ARHGEF5: variants seen among roughly 807,000 people sequenced by gnomAD.
ARHGEF5 encodes the protein Rho guanine nucleotide exchange factor 5.
A neutral mutation model predicts 104.0 loss-of-function variants in ARHGEF5; 11 were observed. The ratio of observed to expected loss-of-function variants is 0.11; its 90% CI spans 0.07 to 0.18. The LOEUF (loss-of-function observed/expected upper bound fraction) is 0.18, where lower values mean the gene tolerates loss of function less well. Ranked by LOEUF, ARHGEF5 falls within the 10% of genes least tolerant of loss-of-function variation. The pLI is 1.00. For synonymous variants in ARHGEF5, 60 were observed against 512.2 expected (o/e 0.12, Z 11.92); for missense variants, 165 against 1,335.4 (o/e 0.12, Z 13.66).
chr7:144,380,193 C>T lies in ARHGEF5; in HGVS notation c.*137C>T. 1 of 1,164,924 alleles carries T rather than the reference C, an allele frequency of 8.6e-7. No homozygotes were observed. 72.2% of individuals were successfully genotyped at this position (1,164,924 alleles called of 1,614,324 possible). On this transcript the variant is annotated 3_prime_UTR_variant, in exon 15 of 15. Transcript: ENST00000056217. ...AAGCTCAAGGACAAAATCCAGCTAACCCAGTCCCTCGGCCCAGGCCTCCTT... is the reference window on the plus strand; with the variant it reads ...AAGCTCAAGGACAAAATCCAGCTAATCCAGTCCCTCGGCCCAGGCCTCCTT...
chr7:144,377,084 C>T (rs767210479), intron 12 of ARHGEF5, 36 bp from the exon 13 acceptor site: 1 of 1,324,914 alleles, frequency 7.5e-7, no homozygotes, highest in Non-Finnish European at 1.0e-6. Context: ...CCTACACCCC[C>T]ACAATTGATG....
At chr7:144,375,807 A>G (rs2053758535) in intron 12 of ARHGEF5, 132 bp downstream of exon 12, 1 of 1,276,628 alleles carries the variant, frequency 7.8e-7, no homozygotes, top group African/African-American at 1.5e-5. Context: ...ACTGGGGACC[A>G]CCATAGAGAA....
chr7:144,374,133 C>T (rs1400973863), intron 10 of ARHGEF5, among the ~76,000 whole-genome samples: 1 of 80,156 alleles, frequency 1.2e-5, no homozygotes, highest in East Asian at 3.0e-4. Flanking sequence ...TGAGCCACCA[C>T]GCTCGTGCTT....
At chr7:144,378,001 T>G (rs2053773707) in intron 13 of ARHGEF5, among the ~76,000 whole-genome samples, 1 of 152,156 alleles carries the variant, frequency 6.6e-6, no homozygotes, top group African/African-American at 2.4e-5. Context: ...AGTATTCCAT[T>G]TATTTTACAA....
intron 9 of ARHGEF5, 150 bp from the exon 10 acceptor site, chr7:144,373,045 G>A: frequency 5.4e-6 from 4 of 737,058 alleles, no homozygotes; most frequent in South Asian, 3.4e-5. Context: ...AAGTTGCCTA[G>A]GACTTGTGCT....
intron 1 of ARHGEF5, among the ~76,000 whole-genome samples, chr7:144,361,064 C>T (rs1181670895): frequency 7.0e-6 from 1 of 143,652 alleles, no homozygotes; most frequent in African/African-American, 2.6e-5. Flanking sequence ...CCCGTCTCTA[C>T]TAAAAGTACA....
chr7:144,379,819 A>T, intron 14 of ARHGEF5, 80 bp from the exon 15 acceptor site: 1 of 1,566,094 alleles, frequency 6.4e-7, no homozygotes. Context: ...AGGATTCAGA[A>T]AACTCTCCAG....
intron 1 of ARHGEF5, among the ~76,000 whole-genome samples, chr7:144,359,962 C>T (rs1223557949): frequency 7.1e-6 from 1 of 140,244 alleles, no homozygotes; most frequent in African/African-American, 2.6e-5. Flanking sequence ...GCAGCATGCA[C>T]CAGTGGAGAG....
chr7:144,358,854 T>G (rs1460456169), intron 1 of ARHGEF5, among the ~76,000 whole-genome samples: 1 of 124,852 alleles, frequency 8.0e-6, no homozygotes, highest in Non-Finnish European at 1.7e-5. Context: ...AGTTTTCAGT[T>G]TAAGCCTGGA....
Position 144,363,943 on chromosome 7 carries a change from C to A in ARHGEF5, c.1274C>A (p.Ala425Asp), listed in dbSNP as rs2053670068. The A allele has an allele frequency of 2.9e-6, 4 of 1,401,330 alleles. No individual in the cohort carries two copies. The East Asian group carries it at 9.6e-5, about 34-fold the overall frequency. The allele number at this position is 1,401,330 out of a possible 1,614,324, so 86.8% of individuals were successfully genotyped here. The change falls in exon 2 of 15, where the codon GCC becomes GAC. Residue 425 changes from alanine to aspartate, a missense_variant. Physicochemically the swap from Ala to Asp is moderately radical, Grantham distance 126. Coordinates refer to ENST00000056217, the MANE Select transcript of ARHGEF5 (RefSeq NM_005435.4). The stretch of plus-strand genomic sequence containing the variant: ...CCTCACTGTGACCTGTTTCCAGGTG[C>A]CTCATATCTCATGACTCAGATTCCC... The part of the protein sequence containing the change: ...DSPHCDLFPG[A>D]SYLMTQIPGT...
At position 144,360,135 on chromosome 7, in the gene ARHGEF5, C is replaced by A. The variant is rs1458052546; in HGVS notation, c.-12-2523C>A. On this transcript the variant is annotated intron_variant, in intron 1 of 14. Transcript: ENST00000056217. Reference sequence around the variant, plus strand: ...ATTTAGAGACAGAGTCTCACTCTGTCACCTAGGCTGGAGAGCAGTGATGTG... The same window carrying A: ...ATTTAGAGACAGAGTCTCACTCTGTAACCTAGGCTGGAGAGCAGTGATGTG... Among the ~76,000 whole-genome samples, 11 of 117,980 alleles carry A rather than the reference C, an allele frequency of 9.3e-5. 4 individuals are homozygous for A. The highest frequency in any genetic ancestry group is 2.0e-4 in the Non-Finnish European group (11 of 55,314). The allele number at this position is 117,980 out of a possible 152,430, so 77.4% of individuals were successfully genotyped here.
Position 144,363,095 on chromosome 7 carries a change from C to G in ARHGEF5, c.426C>G (p.Asp142Glu). 1 of 1,526,356 alleles carries G rather than the reference C, an allele frequency of 6.6e-7. No homozygotes were observed. Among genetic ancestry groups the G allele is most frequent in the Non-Finnish European group, 9.0e-7 (1 of 1,113,492 alleles). The allele number at this position is 1,526,356 out of a possible 1,614,324, so 94.6% of individuals were successfully genotyped here. Residue 142 changes from aspartate (D) to glutamate (E), a missense_variant, in exon 2 of 15, where the codon GAC (aspartate) becomes GAG (glutamate). Asp to Glu is a conservative substitution (Grantham distance 45, BLOSUM62 2). Transcript: ENST00000056217. ...EHLDMAPFSS[D>E]LGSEEEEVEF... ...TAGACATGGCCCCATTTTCCAGTGA[C>G]CTGGGAAGCGAAGAAGAGGAGGTGG...
Position 144,378,859 on chromosome 7 carries a change from C to T in ARHGEF5, c.4629C>T (p.Ser1543=), listed in dbSNP as rs761936976. ...KADVVMVTQQ[S]SDGWLEGVRL... is the part of the protein sequence containing the mutation. The stretch of plus-strand genomic sequence containing the variant: ...ACGTGGTGATGGTGACTCAGCAGAG[C>T]AGTGACGGTAAGCGGGAGCATGCGT... Residue 1543 remains serine, a synonymous_variant, in exon 14 of 15, where the codon AGC becomes AGT. Coordinates refer to ENST00000056217, the MANE Select transcript of ARHGEF5 (RefSeq NM_005435.4). The T allele has an allele frequency of 1.4e-4, 227 of 1,613,784 alleles. No individual in the cohort carries two copies. Among genetic ancestry groups the T allele is most frequent in the Admixed American group, 1.3e-3 (75 of 60,000 alleles).
rs71222348 is a variant in ARHGEF5 at position 144,358,758 on chromosome 7, AGTGTGTGTGTGT to A, written c.-13+3290_-13+3301del. On this transcript the variant is annotated intron_variant, in intron 1 of 14. Coordinates refer to ENST00000056217, the MANE Select transcript of ARHGEF5 (RefSeq NM_005435.4). ...TTGCAAGAGTTTGTAAGGATGGCTC[AGTGTGTGTGTGT>A]GTGTGTGTGTGTGTGTGTGTGTGTG... Among the ~76,000 whole-genome samples, 46 of 90,890 alleles carry A rather than the reference AGTGTGTGTGTGT, an allele frequency of 5.1e-4. 1 individual carries two copies. Among genetic ancestry groups the A allele is most frequent in the Non-Finnish European group, 8.7e-4 (37 of 42,698 alleles). 59.6% of individuals were successfully genotyped at this position (90,890 alleles called of 152,430 possible).
At position 144,364,263 on chromosome 7, in the gene ARHGEF5, T is replaced by TGG; in HGVS notation, c.1594_1595insGG (p.Ser532TrpfsTer114). 1 of 621,498 alleles carries TGG rather than the reference T, an allele frequency of 1.6e-6. No individual in the cohort carries two copies. The highest frequency in any genetic ancestry group is 2.6e-6 in the Non-Finnish European group (1 of 390,658). 38.5% of individuals were successfully genotyped at this position (621,498 alleles called of 1,614,324 possible). A position where few individuals can be genotyped will look rare whatever the true frequency, so the allele number is the denominator to read the frequency against. On this transcript the variant is annotated frameshift_variant, in exon 2 of 15. Transcript: ENST00000056217. LOFTEE classifies it high-confidence loss of function. ...TGAAGCCTACCCCATCACACCTGCC[T>TGG]CGGTATCTGCCAGGCCCCCAGTTGC...
intron 1 of ARHGEF5, among the ~76,000 whole-genome samples, chr7:144,360,286 T>A (rs2053628378): frequency 8.9e-6 from 1 of 112,966 alleles, no homozygotes; most frequent in African/African-American, 3.4e-5. Context: ...AATTTTTGTA[T>A]TTTTTGTGGA....
Position 144,378,766 on chromosome 7 carries a change from C to A in ARHGEF5, c.4536C>A (p.Ser1512=). The change falls in exon 14 of 15, where the codon TCC becomes TCA. Residue 1512 remains serine, a synonymous_variant. Coordinates refer to ENST00000056217, the MANE Select transcript of ARHGEF5 (RefSeq NM_005435.4). ...EELDLLECYN[S]PQVQCLRAYK... is the part of the protein sequence containing the mutation. The stretch of plus-strand genomic sequence containing the variant: ...TCACACTCTTCTCTTCCAAAGACTC[C>A]CCCCAGGTACAGTGCCTTCGAGCCT... 6.2e-7 allele frequency: 1 copy of A among 1,613,684 alleles called. No homozygotes were observed.
chr7:144,378,767 C>G lies in ARHGEF5; in HGVS notation c.4537C>G (p.Pro1513Ala). ...CACACTCTTCTCTTCCAAAGACTCC[C>G]CCCAGGTACAGTGCCTTCGAGCCTA... ...ELDLLECYNS[P>A]QVQCLRAYKP... The change falls in exon 14 of 15, where the codon CCC becomes GCC. Residue 1513 changes from proline to alanine, a missense_variant. Physicochemically the swap from Pro to Ala is conservative, Grantham distance 27. Coordinates refer to ENST00000056217, the MANE Select transcript of ARHGEF5 (RefSeq NM_005435.4). 6.2e-7 allele frequency: 1 copy of G among 1,613,900 alleles called. No homozygotes were observed. The highest frequency in any genetic ancestry group is 1.7e-5 in the Admixed American group (1 of 60,000).
At position 144,378,810 on chromosome 7, in the gene ARHGEF5, A is replaced by T; in HGVS notation, c.4580A>T (p.Asp1527Val). ...CGAGCCTACAAGCCCCGAGAGAATGATGAATTGGCACTGGAGAAAGCCGAC... is the reference window on the plus strand; with the variant it reads ...CGAGCCTACAAGCCCCGAGAGAATGTTGAATTGGCACTGGAGAAAGCCGAC... ...CLRAYKPREN[D>V]ELALEKADVV... Residue 1527 changes from aspartate (D) to valine (V), a missense_variant, in exon 14 of 15, where the codon GAT (aspartate) becomes GTT (valine). Physicochemically the swap from Asp to Val is radical, Grantham distance 152 (BLOSUM62 -3). Transcript: ENST00000056217. 6.2e-7 allele frequency: 1 copy of T among 1,614,056 alleles called. No homozygotes were observed. Among genetic ancestry groups the T allele is most frequent in the South Asian group, 1.1e-5 (1 of 91,078 alleles).
Sources: allele counts gnomAD v4.1 joint callset (sites outside exome capture counted in the v4.1 genomes callset), GRCh38; gene constraint gnomAD v4.1.1; transcripts MANE v1.5; gene names NCBI Gene and HGNC (gene_info 2026-07-23, HGNC 2026-07-21).